The following LPAR1 variants were observed in gnomAD, a reference collection of about 807,000 sequenced individuals.
LPAR1 encodes LPA receptor 1.
A neutral mutation model predicts 23.8 loss-of-function variants in LPAR1; 5 were observed. The observed-to-expected ratio is 0.21, with a 90% confidence interval of 0.11 to 0.44. The LOEUF is 0.44. Among genes scored for constraint, LPAR1 ranks in the 20% least tolerant of loss-of-function variants. The pLI is 0.99. For missense variants in LPAR1, 311 were observed against 482.8 expected (o/e 0.64, Z 3.33); for synonymous variants, 160 against 164.7 (o/e 0.97, Z 0.22).
intron 2 of LPAR1, among the ~76,000 whole-genome samples, chr9:111,014,355 C>A (rs1232583592): frequency 6.6e-6 from 1 of 152,054 alleles, no homozygotes; most frequent in Non-Finnish European, 1.5e-5. Flanking sequence ...CTCTTCCAAG[C>A]CTTAAATCCC....
intron 2 of LPAR1, among the ~76,000 whole-genome samples, chr9:111,033,921 C>G (rs1160139545): frequency 3.3e-5 from 5 of 152,158 alleles, no homozygotes; most frequent in Admixed American, 3.3e-4. Context: ...CAAAGACATC[C>G]AAGTCAGTTC....
At chr9:111,017,925 A>T (rs1182655935) in intron 2 of LPAR1, among the ~76,000 whole-genome samples, 1 of 152,166 alleles carries the variant, frequency 6.6e-6, no homozygotes, top group Non-Finnish European at 1.5e-5. Flanking sequence ...AGGCTGAGGC[A>T]GGAGAATTGC....
chr9:111,024,508 TTA>T (rs1179272006), intron 2 of LPAR1, among the ~76,000 whole-genome samples: 6 of 146,958 alleles, frequency 4.1e-5, no homozygotes, highest in East Asian at 1.9e-4. Context: ...ATATACATAA[TTA>T]TATATATTTA....
chr9:110,962,785 G>A (rs976000405), intron 4 of LPAR1, among the ~76,000 whole-genome samples: 19 of 152,180 alleles, frequency 1.2e-4, no homozygotes, highest in African/African-American at 4.3e-4. Flanking sequence ...CTTAAGTGAT[G>A]TTATGCAATT....
At chr9:110,969,555 T>C (rs1366913061) in intron 4 of LPAR1, among the ~76,000 whole-genome samples, 1 of 151,868 alleles carries the variant, frequency 6.6e-6, no homozygotes, top group African/African-American at 2.4e-5. Context: ...CTACTAAAAA[T>C]ACAGAAATTA....
At chr9:110,992,907 T>A (rs938558236) in intron 2 of LPAR1, among the ~76,000 whole-genome samples, 1 of 152,178 alleles carries the variant, frequency 6.6e-6, no homozygotes, top group Non-Finnish European at 1.5e-5. Context: ...ACCATCTTCA[T>A]TGCAGTGATA....
chr9:111,012,120 G>A (rs929063717), intron 2 of LPAR1, among the ~76,000 whole-genome samples: 3 of 152,154 alleles, frequency 2.0e-5, no homozygotes, highest in Non-Finnish European at 2.9e-5. Flanking sequence ...GCATGGTGGT[G>A]CACATCTGTG....
At chr9:110,942,258 T>C (rs2095155939) in intron 4 of LPAR1, 90 bp from the exon 5 acceptor site, 1 of 1,135,728 alleles carries the variant, frequency 8.8e-7, no homozygotes, top group Non-Finnish European at 1.3e-6. Context: ...TTATAGTACA[T>C]GCAACAGAAA....
chr9:110,907,054 TTGA>T (rs1331934678), intron 5 of LPAR1, among the ~76,000 whole-genome samples: 1 of 152,168 alleles, frequency 6.6e-6, no homozygotes, highest in Admixed American at 6.5e-5. Flanking sequence ...ATTTCAAAAG[TTGA>T]TATATATTTG....
intron 5 of LPAR1, among the ~76,000 whole-genome samples, chr9:110,885,317 G>C (rs558623480): frequency 1.3e-5 from 2 of 152,154 alleles, no homozygotes; most frequent in African/African-American, 2.4e-5. Flanking sequence ...CCTGAATAGA[G>C]GACCCTCTTA....
intron 5 of LPAR1, among the ~76,000 whole-genome samples, chr9:110,886,100 C>T (rs993610894): frequency 6.6e-6 from 1 of 151,214 alleles, no homozygotes; most frequent in African/African-American, 2.4e-5. Flanking sequence ...CCGGAGTCTA[C>T]GGCAGGAGAA....
At chr9:111,029,040 C>T (rs1025863456) in intron 2 of LPAR1, among the ~76,000 whole-genome samples, 1 of 152,136 alleles carries the variant, frequency 6.6e-6, no homozygotes, top group East Asian at 1.9e-4. Context: ...CCATAGTAAA[C>T]GCTCAACAAA....
At chr9:111,005,151 CAAAAAAA>C (rs71371700) in intron 2 of LPAR1, among the ~76,000 whole-genome samples, 2 of 74,292 alleles carry the variant, frequency 2.7e-5, no homozygotes, top group African/African-American at 1.1e-4. Flanking sequence ...GACAAAGTCT[CAAAAAAA>C]AAAAAAAAAA....
At chr9:110,988,243 T>C (rs546183252) in intron 2 of LPAR1, among the ~76,000 whole-genome samples, 10 of 152,018 alleles carry the variant, frequency 6.6e-5, no homozygotes, top group African/African-American at 1.9e-4. Flanking sequence ...AAGAAGTTCA[T>C]CAGACAGAAA....
chr9:110,994,814 C>T (rs1253942620), intron 2 of LPAR1, among the ~76,000 whole-genome samples: 1 of 152,150 alleles, frequency 6.6e-6, no homozygotes, highest in South Asian at 2.1e-4. Context: ...ACCCCAGACA[C>T]ATATGTGCCT....
chr9:110,996,150 G>A (rs188949567), intron 2 of LPAR1, among the ~76,000 whole-genome samples: 3 of 152,172 alleles, frequency 2.0e-5, no homozygotes, highest in Admixed American at 2.0e-4. Context: ...AAAACACAGT[G>A]GGATAGTCCA....
intron 5 of LPAR1, among the ~76,000 whole-genome samples, chr9:110,877,333 T>C (rs1239072543): frequency 6.6e-6 from 1 of 152,330 alleles, no homozygotes; most frequent in Non-Finnish European, 1.5e-5. Context: ...ACTTTGAAGA[T>C]TGGCCAAGGT....
At chr9:111,032,697 C>A (rs117297077) in intron 2 of LPAR1, among the ~76,000 whole-genome samples, 2 of 152,036 alleles carry the variant, frequency 1.3e-5, no homozygotes, top group Non-Finnish European at 2.9e-5. Context: ...TAGAACAGAT[C>A]GATATAAAGT....
chr9:110,879,865 T>C (rs2080245437), intron 5 of LPAR1, among the ~76,000 whole-genome samples: 4 of 152,196 alleles, frequency 2.6e-5, no homozygotes, highest in Admixed American at 2.6e-4. Flanking sequence ...CAGAGAAGTC[T>C]AGAATGACTT....
Sources: allele counts gnomAD v4.1 joint callset (sites outside exome capture counted in the v4.1 genomes callset), GRCh38; gene constraint gnomAD v4.1.1; transcripts MANE v1.5; gene names NCBI Gene and HGNC (gene_info 2026-07-23, HGNC 2026-07-21).